The following PTPN14 variants were observed in gnomAD, a reference collection of about 807,000 sequenced individuals.
PTPN14 encodes tyrosine-protein phosphatase non-receptor type 14.
PTPN14 carries 53 observed loss-of-function variants against 126.8 expected under a neutral mutation model. That is an observed-to-expected ratio of 0.42 (90% CI 0.34 to 0.53). PTPN14 has a LOEUF of 0.53. PTPN14 is among the 20% of genes least tolerant of loss of function. The pLI is 0.08. For missense variants in PTPN14, 1,257 were observed against 1,552.9 expected, an observed-to-expected ratio of 0.81 and a Z score of 3.20; for synonymous variants, 630 against 599.3, an observed-to-expected ratio of 1.05 and a Z score of -0.75.
chr1:214,417,030 A>C (rs1045099383), intron 3 of PTPN14, among the ~76,000 whole-genome samples: 3 of 152,102 alleles, frequency 2.0e-5, no homozygotes, highest in African/African-American at 7.2e-5. Context: ...GAAAAAAAAA[A>C]ACAACAATTT....
chr1:214,519,504 T>C (rs1379915219), intron 1 of PTPN14, among the ~76,000 whole-genome samples: 3 of 152,184 alleles, frequency 2.0e-5, no homozygotes, highest in African/African-American at 4.8e-5. Context: ...CTTCCTAATA[T>C]ACATTGATAC....
intron 1 of PTPN14, among the ~76,000 whole-genome samples, chr1:214,469,454 G>C (rs1012987329): frequency 2.0e-5 from 3 of 152,070 alleles, no homozygotes; most frequent in Admixed American, 6.5e-5. Flanking sequence ...CTGTTAAATA[G>C]TCTGGCTCCT....
rs144288661 is a variant in PTPN14 at position 214,435,255 on chromosome 1, CGTGT to C, written c.344+16546_344+16549del. Among the ~76,000 whole-genome samples, 219 of 148,584 alleles carry C rather than the reference CGTGT, an allele frequency of 1.5e-3. 1 individual carries two copies. Among genetic ancestry groups the C allele is most frequent in the African/African-American group, 5.3e-3 (215 of 40,694 alleles). On this transcript the variant is annotated intron_variant, in intron 3 of 18. Transcript: ENST00000366956. ...AGTGTGTCTGCTGTGTGTGTGTGTG[CGTGT>C]GTGTGTGTGTGTGTTGAGATAAAAT...
intron 3 of PTPN14, among the ~76,000 whole-genome samples, chr1:214,444,757 A>G (rs547231134): frequency 5.9e-5 from 9 of 152,324 alleles, no homozygotes; most frequent in African/African-American, 2.2e-4. Context: ...ACACATGCAC[A>G]CACCAAAACA....
Position 214,393,704 on chromosome 1 carries a change from ATTTTG to A in PTPN14, c.915_919del (p.Lys306LeufsTer3). 6.3e-7 allele frequency: 1 copy of A among 1,583,332 alleles called. No homozygotes were observed. Reference sequence around the variant, plus strand: ...TTAAATGTTTACTTACTCAGTGCAGATTTTGTTTTGTTTGTAAAACTTGTGTCGTG... The same window carrying A: ...TTAAATGTTTACTTACTCAGTGCAGATTTTGTTTGTAAAACTTGTGTCGTG... On this transcript the variant is annotated frameshift_variant, in exon 10 of 19. Coordinates refer to ENST00000366956, the MANE Select transcript of PTPN14 (RefSeq NM_005401.5). LOFTEE classifies it high-confidence loss of function.
At chr1:214,436,395 A>G (rs1449258915) in intron 3 of PTPN14, among the ~76,000 whole-genome samples, 1 of 135,740 alleles carries the variant, frequency 7.4e-6, no homozygotes, top group Admixed American at 8.0e-5. Flanking sequence ...TGTATCTAAA[A>G]TAAAGTTAAA....
At chr1:214,533,548 A>G (rs995804347) in intron 1 of PTPN14, 35 of 310,270 alleles carry the variant, frequency 1.1e-4, no homozygotes, top group African/African-American at 6.2e-4. Flanking sequence ...AAAAAAAAAA[A>G]AGGCTGGGTG....
intron 1 of PTPN14, among the ~76,000 whole-genome samples, chr1:214,467,143 T>A (rs1660657697): frequency 6.6e-6 from 1 of 152,140 alleles, no homozygotes; most frequent in African/African-American, 2.4e-5. Flanking sequence ...GATTTCTTGA[T>A]AGGTACAGAA....
At chr1:214,529,201 C>G (rs1655478125) in intron 1 of PTPN14, 1 of 152,170 alleles carries the variant, frequency 6.6e-6, no homozygotes, top group South Asian at 2.1e-4. Context: ...TCTGTAGCCC[C>G]AGATACACAG....
intron 1 of PTPN14, among the ~76,000 whole-genome samples, chr1:214,521,159 G>C (rs1007758435): frequency 6.6e-6 from 1 of 152,172 alleles, no homozygotes; most frequent in Admixed American, 6.5e-5. Flanking sequence ...GAAAACACAT[G>C]AATCAGTGAG....
chr1:214,358,124 C>T (rs1657868626), intron 18 of PTPN14, 74 bp from the exon 19 acceptor site: 1 of 1,550,494 alleles, frequency 6.4e-7, no homozygotes, highest in East Asian at 2.3e-5. Flanking sequence ...TTCCCTCATT[C>T]AGGAAGCACT....
intron 11 of PTPN14, among the ~76,000 whole-genome samples, 174 bp downstream of exon 11, chr1:214,390,814 T>G (rs192669049): frequency 6.6e-6 from 1 of 152,298 alleles, no homozygotes; most frequent in East Asian, 1.9e-4. Flanking sequence ...TGGGCATGGA[T>G]GGGTCCAAGG....
rs1385767241 is a variant in PTPN14 at position 214,364,791 on chromosome 1, G to GTGTGTGTA, written c.3272-117_3272-116insTACACACA. On this transcript the variant is annotated intron_variant, in intron 17 of 18. Transcript: ENST00000366956. This position sits in a 1 kb window ranked among gnomAD's most constrained non-coding sequence, Gnocchi z 4.1. The stretch of plus-strand genomic sequence containing the variant: ...AGTGTGTGTGTGTGTGTGTGTGTGT[G>GTGTGTGTA]TGTGTGTGTGTGTGTTTTAAGTGAC... 5 of 908,266 alleles carry GTGTGTGTA rather than the reference G, an allele frequency of 5.5e-6. No individual in the cohort carries two copies. The highest frequency in any genetic ancestry group is 8.2e-6 in the Non-Finnish European group (5 of 611,584). 56.3% of individuals were successfully genotyped at this position (908,266 alleles called of 1,614,324 possible).
intron 1 of PTPN14, among the ~76,000 whole-genome samples, chr1:214,511,052 G>C (rs200100466): frequency 7.5e-6 from 1 of 132,544 alleles, no homozygotes; most frequent in African/African-American, 3.2e-5. Flanking sequence ...CTAAGTCTTT[G>C]GTTTTTTTTT....
At chr1:214,494,912 G>A (rs1661327323) in intron 1 of PTPN14, among the ~76,000 whole-genome samples, 1 of 152,044 alleles carries the variant, frequency 6.6e-6, no homozygotes, top group South Asian at 2.1e-4. Flanking sequence ...GGAGATGCCT[G>A]AAAGACCTGG....
chr1:214,439,072 T>C (rs1051295972), intron 3 of PTPN14, among the ~76,000 whole-genome samples: 2 of 152,238 alleles, frequency 1.3e-5, no homozygotes, highest in Admixed American at 6.5e-5. Flanking sequence ...CCCACATTAA[T>C]GTATGTTCTC....
Position 214,350,125 on chromosome 1 carries a change from G to A in PTPN14, c.*7797C>T, listed in dbSNP as rs1657674099. On this transcript the variant is annotated 3_prime_UTR_variant, in exon 19 of 19. Coordinates refer to ENST00000366956, the MANE Select transcript of PTPN14 (RefSeq NM_005401.5). The stretch of plus-strand genomic sequence containing the variant: ...AAGGTTGGGGAAGAAAATGAAGATA[G>A]CTTACATACAGATTTTGGATGACCC... 6.6e-6 allele frequency: 1 copy of A among 152,240 alleles called. No individual in the cohort carries two copies. Among genetic ancestry groups the A allele is most frequent in the South Asian group, 2.1e-4 (1 of 4,834 alleles). The allele number at this position is 152,240 out of a possible 1,614,324, so 9.4% of individuals were successfully genotyped here.
chr1:214,521,890 G>GT (rs144376575), intron 1 of PTPN14, among the ~76,000 whole-genome samples: 2,992 of 136,894 alleles, frequency 0.022, 102 homozygotes, highest in African/African-American at 0.076. Flanking sequence ...TAAGATTTTT[G>GT]TTGTTTTTTT....
At chr1:214,522,755 C>T (rs1034614927) in intron 1 of PTPN14, among the ~76,000 whole-genome samples, 2 of 152,120 alleles carry the variant, frequency 1.3e-5, no homozygotes, top group African/African-American at 4.8e-5. Context: ...GTAAAGACCG[C>T]AAGCAGTAAA....
Sources: gnomAD v4.1 joint callset for allele counts (sites outside exome capture counted in the v4.1 genomes callset) on GRCh38, gnomAD v4.1.1 for gene constraint, Gnocchi (gnomAD v3.1) non-coding constraint, MANE v1.5 for transcripts, NCBI Gene and HGNC (gene_info 2026-07-23, HGNC 2026-07-21) for gene names.